PPP1R12B: variants seen among roughly 807,000 people sequenced by gnomAD.
The protein encoded by PPP1R12B is myosin phosphatase target subunit 2.
A neutral mutation model predicts 126.1 loss-of-function variants in PPP1R12B; 76 were observed. The ratio of observed to expected loss-of-function variants is 0.60; its 90% CI spans 0.50 to 0.73. PPP1R12B has a LOEUF of 0.73. PPP1R12B is among the 30% of genes least tolerant of loss of function. The pLI is 0.00. For synonymous variants in PPP1R12B, 356 were observed against 434.7 expected (o/e 0.82, Z 2.25); for missense variants, 1,052 against 1,205.1 (o/e 0.87, Z 1.88).
intron 6 of PPP1R12B, among the ~76,000 whole-genome samples, chr1:202,430,203 A>G (rs902690486): frequency 2.6e-5 from 4 of 152,190 alleles, no homozygotes; most frequent in African/African-American, 9.6e-5. Context: ...TTGAACATCA[A>G]TAGTATTATT....
intron 10 of PPP1R12B, 38 bp downstream of exon 10, chr1:202,438,062 T>G: frequency 1.3e-6 from 2 of 1,526,984 alleles, no homozygotes; most frequent in Admixed American, 1.9e-5. Flanking sequence ...TCCAAGGCAG[T>G]TTTTTTTTTC....
rs568588389 is a variant in PPP1R12B at position 202,571,675 on chromosome 1, C to T, written c.2862+2478C>T. Among the ~76,000 whole-genome samples, 23 of 152,274 alleles carry T rather than the reference C, an allele frequency of 1.5e-4. No homozygotes were observed. The South Asian group carries it at 2.5e-3, about 16-fold the overall frequency. ...TTCACCATGTTGCACCAGGTGGTCT[C>T]GAACTCCTGAGCTCAGGGGATCCAC... On this transcript the variant is annotated intron_variant, in intron 23 of 23. Coordinates refer to ENST00000608999, the MANE Select transcript of PPP1R12B (RefSeq NM_002481.4).
In PPP1R12B at chr1:202,413,634, A is replaced by T. The variant is rs546897351; in HGVS notation, c.292-3153A>T. The stretch of plus-strand genomic sequence containing the variant: ...TACGTTACTAAGAAATTTTTAAAAT[A>T]TGTAGTTATTAAATATGTACTTATT... On this transcript the variant is annotated intron_variant, in intron 1 of 23. Transcript: ENST00000608999. Among the ~76,000 whole-genome samples, 130 of 152,326 alleles carry T rather than the reference A, an allele frequency of 8.5e-4. 2 individuals carry two copies. Among genetic ancestry groups the T allele is most frequent in the Non-Finnish European group, 1.5e-3 (102 of 68,036 alleles).
intron 23 of PPP1R12B, among the ~76,000 whole-genome samples, chr1:202,571,664 C>CCAGGTGGTCTCGAACTCCTGAGCT (rs1688620852): frequency 6.6e-6 from 1 of 152,194 alleles, no homozygotes; most frequent in Non-Finnish European, 1.5e-5. Context: ...CCATGTTGCA[C>CCAGGTGGTCTCGAACTCCTGAGCT]CAGGTGGTCT....
rs559200493 is a variant in PPP1R12B, at chr1:202,363,432, T to C, written c.291+14290T>C. Among the ~76,000 whole-genome samples the C allele has an allele frequency of 9.6e-4, 146 of 152,356 alleles. 2 individuals are homozygous for C. The highest frequency in any genetic ancestry group is 1.0e-3 in the Admixed American group (16 of 15,290). ...ACATTTACCTTTGTATGTTTTAAGA[T>C]AATCAAGACCTTGTCATTAGCCTTC... On this transcript the variant is annotated intron_variant, in intron 1 of 23. Transcript: ENST00000608999.
In PPP1R12B at chr1:202,590,514, A is replaced by G. The variant is rs1690066225; in HGVS notation, c.*9954A>G. 6.6e-6 allele frequency: 1 copy of G among 151,336 alleles called. No homozygotes were observed. Among genetic ancestry groups the G allele is most frequent in the Non-Finnish European group, 1.5e-5 (1 of 67,906 alleles). 9.4% of individuals were successfully genotyped at this position (151,336 alleles called of 1,614,324 possible). On this transcript the variant is annotated 3_prime_UTR_variant, in exon 24 of 24. Transcript: ENST00000608999. ...CCATCTCACCACCCTCACCCACCAT[A>G]CTGACCCTCACAGGCAGCTCCCACT...
At chr1:202,539,519 T>G (rs534753830) in intron 18 of PPP1R12B, among the ~76,000 whole-genome samples, 6 of 152,334 alleles carry the variant, frequency 3.9e-5, no homozygotes, top group South Asian at 2.1e-4. Flanking sequence ...CTCAGACTGC[T>G]TCCTTCTTAT....
chr1:202,415,965 A>G (rs1223586254), intron 1 of PPP1R12B, among the ~76,000 whole-genome samples: 1 of 152,042 alleles, frequency 6.6e-6, no homozygotes, highest in African/African-American at 2.4e-5. Flanking sequence ...GAAGGAATGA[A>G]TTTTTTTAAT....
intron 17 of PPP1R12B, among the ~76,000 whole-genome samples, chr1:202,495,976 G>A (rs1350413194): frequency 6.6e-6 from 1 of 152,180 alleles, no homozygotes; most frequent in East Asian, 1.9e-4. Context: ...TATAACAAGT[G>A]AATAAGCTTG....
At chr1:202,468,652 G>C (rs1208528079) in intron 13 of PPP1R12B, among the ~76,000 whole-genome samples, 1 of 152,130 alleles carries the variant, frequency 6.6e-6, no homozygotes, top group Non-Finnish European at 1.5e-5. Flanking sequence ...TTTGGAATAG[G>C]TAAAGAAGGG....
At chr1:202,444,890 A>G (rs1279452242) in intron 12 of PPP1R12B, among the ~76,000 whole-genome samples, 2 of 152,132 alleles carry the variant, frequency 1.3e-5, no homozygotes, top group Admixed American at 1.3e-4. Flanking sequence ...CCAGTGACTC[A>G]GCTCTAGCTG....
intron 13 of PPP1R12B, chr1:202,473,893 G>C (rs1312673692): frequency 1.9e-6 from 1 of 531,936 alleles, no homozygotes; most frequent in Non-Finnish European, 3.9e-6. Flanking sequence ...TACCTTTCTT[G>C]CTATTCATTT....
chr1:202,578,601 GTCT>G (rs550666430), intron 23 of PPP1R12B, among the ~76,000 whole-genome samples: 3 of 152,194 alleles, frequency 2.0e-5, no homozygotes, highest in Non-Finnish European at 4.4e-5. Flanking sequence ...TCTGGATTAA[GTCT>G]TCTTAATAAA....
intron 23 of PPP1R12B, among the ~76,000 whole-genome samples, chr1:202,578,905 T>G (rs1219726181): frequency 6.6e-6 from 1 of 152,154 alleles, no homozygotes; most frequent in Non-Finnish European, 1.5e-5. Flanking sequence ...ACATTTTTGG[T>G]GTTTTGTTTT....
intron 12 of PPP1R12B, chr1:202,442,939 T>G: frequency 4.3e-6 from 1 of 235,044 alleles, no homozygotes; most frequent in Non-Finnish European, 6.8e-6. Context: ...ATGTGCTATT[T>G]TTGGGGGGAG....
chr1:202,362,021 G>C (rs542533311), intron 1 of PPP1R12B, among the ~76,000 whole-genome samples: 1 of 151,490 alleles, frequency 6.6e-6, no homozygotes, highest in Admixed American at 6.6e-5. Context: ...ATGGTTTTAT[G>C]AACTGTTTTA....
chr1:202,571,746 G>A (rs892855647), intron 23 of PPP1R12B, among the ~76,000 whole-genome samples: 1 of 152,180 alleles, frequency 6.6e-6, no homozygotes, highest in Non-Finnish European at 1.5e-5. Flanking sequence ...GTGAGCCATC[G>A]CGTCTGGCCA....
chr1:202,502,537 CTT>C (rs780598819), intron 18 of PPP1R12B: 68 of 885,960 alleles, frequency 7.7e-5, no homozygotes, highest in Non-Finnish European at 9.2e-5. Flanking sequence ...TGATCAAGCA[CTT>C]TTCTAGATTC....
intron 4 of PPP1R12B, 53 bp from the exon 5 acceptor site, chr1:202,426,987 A>G: frequency 6.3e-7 from 1 of 1,577,022 alleles, no homozygotes; most frequent in Non-Finnish European, 8.6e-7. Context: ...TGTATTTGCC[A>G]GAAAATTGTA....
Sources: gnomAD v4.1 joint callset for allele counts (sites outside exome capture counted in the v4.1 genomes callset) on GRCh38, gnomAD v4.1.1 for gene constraint, MANE v1.5 for transcripts, NCBI Gene and HGNC (gene_info 2026-07-23, HGNC 2026-07-21) for gene names.